CHM: variants seen among roughly 807,000 people sequenced by gnomAD.
CHM encodes CHM Rab escort protein, also known as rab proteins geranylgeranyltransferase component A 1.
In CHM, 10 loss-of-function variants were observed where a neutral mutation model predicts 49.0. That is an observed-to-expected ratio of 0.20 (90% CI 0.13 to 0.35). The LOEUF (loss-of-function observed/expected upper bound fraction) is 0.35. Ranked by LOEUF, CHM falls within the 10% of genes least tolerant of loss-of-function variation. The pLI is 1.00. For synonymous variants in CHM, 184 were observed against 167.5 expected, an observed-to-expected ratio of 1.10 and a Z score of -0.76; for missense variants, 455 against 478.4, an observed-to-expected ratio of 0.95 and a Z score of 0.46.
chrX:86,016,382 T>C (rs997470687), intron 2 of CHM, among the ~76,000 whole-genome samples: 36 of 111,666 alleles, frequency 3.2e-4, no homozygotes, highest in South Asian at 3.8e-4. Flanking sequence ...GCCCCACCCA[T>C]CACAGGCCTG....
At chrX:85,941,204 T>C (rs181356181) in intron 8 of CHM, among the ~76,000 whole-genome samples, 435 of 112,091 alleles carry the variant, frequency 3.9e-3, no homozygotes, top group Non-Finnish European at 6.1e-3. Context: ...CTAAACCCTT[T>C]CTTTCTTGTT....
chrX:85,895,678 A>G (rs965861991), intron 11 of CHM, among the ~76,000 whole-genome samples: 2 of 111,869 alleles, frequency 1.8e-5, no homozygotes, highest in African/African-American at 6.5e-5. Flanking sequence ...AACCATGACT[A>G]TCCTACTTTT....
intron 12 of CHM, among the ~76,000 whole-genome samples, chrX:85,890,168 C>CTGT (rs1035259372): frequency 2.7e-5 from 3 of 111,613 alleles, no homozygotes; most frequent in Non-Finnish European, 5.6e-5. Flanking sequence ...TGTAATGAAC[C>CTGT]TGTGCATATA....
chrX:85,963,463 A>T (rs1930401224), intron 5 of CHM, among the ~76,000 whole-genome samples: 1 of 112,667 alleles, frequency 8.9e-6, no homozygotes, highest in African/African-American at 3.2e-5. Flanking sequence ...GGTATAGATT[A>T]AAAACATAAT....
chrX:85,968,929 G>A (rs1163828249), intron 4 of CHM, among the ~76,000 whole-genome samples: 1 of 112,168 alleles, frequency 8.9e-6, no homozygotes, highest in East Asian at 2.8e-4. Flanking sequence ...ACTGTAGACA[G>A]TGATGAGTAA....
At chrX:85,941,424 G>A (rs920547509) in intron 8 of CHM, among the ~76,000 whole-genome samples, 1 of 111,387 alleles carries the variant, frequency 9.0e-6, no homozygotes. Flanking sequence ...CTGCTCTATC[G>A]TTTCCTTAAC....
chrX:86,025,820 A>T (rs866370104), intron 2 of CHM, among the ~76,000 whole-genome samples: 1 of 111,296 alleles, frequency 9.0e-6, no homozygotes, highest in African/African-American at 3.3e-5. Context: ...TAATGTCTCT[A>T]TGTCCCACAT....
chrX:85,876,983 AT>A, intron 13 of CHM, among the ~76,000 whole-genome samples: 1 of 111,080 alleles, frequency 9.0e-6, no homozygotes, highest in East Asian at 2.8e-4. Context: ...CAATATAAGA[AT>A]TATTTAAAAT....
rs183914898 is a variant in CHM at position 85,863,818 on chromosome X, T to A, written c.*812A>T. 8.9e-6 allele frequency: 1 copy of A among 112,048 alleles called. No individual in the cohort carries two copies. Among genetic ancestry groups the A allele is most frequent in the East Asian group, 2.8e-4 (1 of 3,558 alleles). 9.2% of individuals were successfully genotyped at this position (112,048 alleles called of 1,213,427 possible). A position where few individuals can be genotyped will look rare whatever the true frequency, so the allele number is the denominator to read the frequency against. ...TTTCCACTTTATATATGGAGAAACG[T>A]AGGCTCAGAAGTTAAACAATTTACC... On this transcript the variant is annotated 3_prime_UTR_variant, in exon 15 of 15. Transcript: ENST00000357749.
At chrX:86,004,474 G>A (rs1932811068) in intron 2 of CHM, among the ~76,000 whole-genome samples, 1 of 111,843 alleles carries the variant, frequency 8.9e-6, no homozygotes, top group Non-Finnish European at 1.9e-5. Flanking sequence ...TGGCAAATTG[G>A]ATAGAGTCAA....
chrX:85,913,931 A>G (rs1312946966), intron 8 of CHM, among the ~76,000 whole-genome samples: 1 of 111,221 alleles, frequency 9.0e-6, no homozygotes, highest in South Asian at 3.9e-4. Flanking sequence ...ATACGGAGAA[A>G]GAATGCAGGC....
chrX:86,024,459 T>C (rs976058539), intron 2 of CHM, among the ~76,000 whole-genome samples: 30 of 112,449 alleles, frequency 2.7e-4, no homozygotes, highest in African/African-American at 9.4e-4. Context: ...TCACTAAGTC[T>C]TTCTTTTAAA....
chrX:85,951,659 G>A (rs1221844093), intron 8 of CHM, among the ~76,000 whole-genome samples: 1 of 111,737 alleles, frequency 8.9e-6, no homozygotes, highest in Admixed American at 9.5e-5. Flanking sequence ...ATGAGAGGGT[G>A]GAGCAAGATG....
intron 2 of CHM, among the ~76,000 whole-genome samples, chrX:85,995,520 C>G (rs1423030795): frequency 9.0e-6 from 1 of 111,577 alleles, no homozygotes; most frequent in African/African-American, 3.3e-5. Context: ...AACCCTACAG[C>G]TTATCTTAGA....
chrX:85,999,690 C>G lies in CHM; in HGVS notation c.117-17881G>C, dbSNP rs1310023339. On this transcript the variant is annotated intron_variant, in intron 2 of 14. Coordinates refer to ENST00000357749, the MANE Select transcript of CHM (RefSeq NM_000390.4). ...AATCACATCTATTCTTTAAATTTCA[C>G]GTGTCCGCAGCTCATTAATATTTAC... Among the ~76,000 whole-genome samples the G allele has an allele frequency of 3.6e-5, 4 of 111,876 alleles. No individual in the cohort carries two copies. In the Admixed American group the frequency reaches 3.8e-4, roughly 11 times the overall value.
At chrX:85,983,903 A>T (rs1378471864) in intron 2 of CHM, among the ~76,000 whole-genome samples, 1 of 111,689 alleles carries the variant, frequency 9.0e-6, no homozygotes, top group Non-Finnish European at 1.9e-5. Flanking sequence ...AAACATATCT[A>T]ATAAAGGCTT....
chrX:85,988,305 C>T (rs929412544), intron 2 of CHM, among the ~76,000 whole-genome samples: 1 of 111,966 alleles, frequency 8.9e-6, no homozygotes, highest in Non-Finnish European at 1.9e-5. Context: ...AAATTCAACA[C>T]TCATTCATGT....
intron 8 of CHM, among the ~76,000 whole-genome samples, chrX:85,940,144 G>C: frequency 9.0e-6 from 1 of 111,204 alleles, no homozygotes; most frequent in East Asian, 2.8e-4. Flanking sequence ...AGAGCAAAGG[G>C]GGAAGTGCTA....
chrX:85,963,239 G>A (rs61526326), intron 5 of CHM, among the ~76,000 whole-genome samples: 4,393 of 111,315 alleles, frequency 0.039, 224 homozygotes, highest in African/African-American at 0.14. Context: ...ATGTGAACAC[G>A]ATTTTTAAAA....
Sources: gnomAD v4.1 joint callset for allele counts (sites outside exome capture counted in the v4.1 genomes callset) on GRCh38, gnomAD v4.1.1 for gene constraint, MANE v1.5 for transcripts, NCBI Gene and HGNC (gene_info 2026-07-23, HGNC 2026-07-21) for gene names.